Variants in CLASP2 observed in about 807,000 individuals in gnomAD.
CLASP2 encodes the protein cytoplasmic linker associated protein 2, also known as CLIP-associating protein 2.
Under a neutral mutation model 194.4 loss-of-function variants are expected in CLASP2, and 47 were observed. The observed-to-expected ratio is 0.24, with a 90% CI of 0.19 to 0.31. The LOEUF (loss-of-function observed/expected upper bound fraction) is 0.31. CLASP2 is among the 10% of genes least tolerant of loss of function. The pLI, the probability that CLASP2 is intolerant of heterozygous loss-of-function variation, is 1.00. For synonymous variants in CLASP2, 619 were observed against 633.5 expected, an observed-to-expected ratio of 0.98 and a Z score of 0.34; for missense variants, 1,445 against 1,823.6, an observed-to-expected ratio of 0.79 and a Z score of 3.78.
intron 2 of CLASP2, among the ~76,000 whole-genome samples, chr3:33,693,850 A>C (rs2091603857): frequency 6.6e-6 from 1 of 152,146 alleles, no homozygotes; most frequent in African/African-American, 2.4e-5. Flanking sequence ...TAGGAGATTA[A>C]AAGGAAAAAC....
chr3:33,647,654 A>C (rs2082492194), intron 7 of CLASP2, among the ~76,000 whole-genome samples: 1 of 152,186 alleles, frequency 6.6e-6, no homozygotes, highest in African/African-American at 2.4e-5. Context: ...TGCTTCAATA[A>C]AATTTTATAT....
intron 6 of CLASP2, among the ~76,000 whole-genome samples, chr3:33,674,795 C>A (rs374919548): frequency 5.9e-5 from 9 of 151,962 alleles, no homozygotes; most frequent in Non-Finnish European, 1.2e-4. Flanking sequence ...ACCATCAGAG[C>A]ATACTACAAA....
At chr3:33,689,962 T>C in intron 2 of CLASP2, 30 bp from the exon 3 acceptor site, 1 of 1,419,364 alleles carries the variant, frequency 7.0e-7, no homozygotes, top group Non-Finnish European at 9.5e-7. Flanking sequence ...AAAAGAGTAA[T>C]TACTTATAAC....
At chr3:33,643,073 G>A (rs2081607475) in intron 8 of CLASP2, among the ~76,000 whole-genome samples, 8 of 151,886 alleles carry the variant, frequency 5.3e-5, no homozygotes, top group Admixed American at 5.2e-4. Context: ...CTACAAGAAT[G>A]GGGGTGGAGG....
At chr3:33,563,721 T>C (rs2062173243) in intron 27 of CLASP2, among the ~76,000 whole-genome samples, 1 of 152,200 alleles carries the variant, frequency 6.6e-6, no homozygotes, top group African/African-American at 2.4e-5. Context: ...AGGCTGTAGT[T>C]TGTCAACTCA....
chr3:33,703,107 T>C (rs1017563276), intron 1 of CLASP2, among the ~76,000 whole-genome samples: 1 of 152,228 alleles, frequency 6.6e-6, no homozygotes, highest in East Asian at 1.9e-4. Context: ...ACTGTTAAGA[T>C]GGGCTTCACT....
intron 32 of CLASP2, 79 bp from the exon 33 acceptor site, chr3:33,539,021 AT>A: frequency 7.7e-6 from 8 of 1,034,030 alleles, no homozygotes; most frequent in Non-Finnish European, 9.4e-6. Flanking sequence ...ATATAAGGAT[AT>A]TTATAAAGAC....
At chr3:33,701,451 C>T (rs1305050026) in intron 1 of CLASP2, among the ~76,000 whole-genome samples, 1 of 152,188 alleles carries the variant, frequency 6.6e-6, no homozygotes, top group African/African-American at 2.4e-5. Flanking sequence ...TTAAAAGTAG[C>T]TGGCCATGGT....
intron 5 of CLASP2, among the ~76,000 whole-genome samples, chr3:33,685,389 T>C (rs1002518347): frequency 6.1e-4 from 91 of 148,084 alleles, no homozygotes; most frequent in Non-Finnish European, 1.1e-3. Context: ...AGTAAGATTA[T>C]GTAAACAACT....
At position 33,690,822 on chromosome 3, in the gene CLASP2, T is replaced by C. The variant is rs142151215; in HGVS notation, c.275-890A>G. On this transcript the variant is annotated intron_variant, in intron 2 of 38. Coordinates refer to ENST00000682230, the MANE Select transcript of CLASP2 (RefSeq NM_001365631.1). The stretch of plus-strand genomic sequence containing the variant: ...TGCTACCTGCCTATTAGTCCCTTAG[T>C]AGCTGTTTTGGTTATCAGATCAAAA... Among the ~76,000 whole-genome samples, 591 of 152,276 alleles carry C rather than the reference T, an allele frequency of 3.9e-3. 4 individuals are homozygous for C. The highest frequency in any genetic ancestry group is 0.013 in the African/African-American group (551 of 41,546).
chr3:33,533,480 A>T (rs1559896006), intron 34 of CLASP2, among the ~76,000 whole-genome samples: 1 of 152,236 alleles, frequency 6.6e-6, no homozygotes, highest in Non-Finnish European at 1.5e-5. Context: ...TAAAAATTTT[A>T]AAAATTTAAA....
intron 18 of CLASP2, among the ~76,000 whole-genome samples, chr3:33,597,555 AC>A (rs2070770582): frequency 1.3e-5 from 2 of 150,024 alleles, no homozygotes; most frequent in South Asian, 4.2e-4. Context: ...TATGGTGAAA[AC>A]CTCCTTTCTT....
Position 33,566,711 on chromosome 3 carries a change from A to G in CLASP2, c.2766+21T>C, listed in dbSNP as rs1385208859. 13 of 450,608 alleles carry G rather than the reference A, an allele frequency of 2.9e-5. No individual in the cohort carries two copies. The Admixed American group carries it at 3.1e-4, about 11-fold the overall frequency. 27.9% of individuals were successfully genotyped at this position (450,608 alleles called of 1,614,324 possible). ...GTCATGCAGTAAAGTTAGGTTTCCAACAAATATTGAACCAACTTACTCTCT... is the reference window on the plus strand; with the variant it reads ...GTCATGCAGTAAAGTTAGGTTTCCAGCAAATATTGAACCAACTTACTCTCT... On this transcript the variant is annotated intron_variant, in intron 27 of 38. Transcript: ENST00000682230.
rs554889956 is a variant in CLASP2, at chr3:33,672,577, G to A, written c.645-9062C>T. ...AGGAACGCAGTTCCTCACCAGCAAC[G>A]GAACAAAGCTGGATGGAGAATGACT... On this transcript the variant is annotated intron_variant, in intron 6 of 38. Coordinates refer to ENST00000682230, the MANE Select transcript of CLASP2 (RefSeq NM_001365631.1). Among the ~76,000 whole-genome samples, 15 of 152,286 alleles carry A rather than the reference G, an allele frequency of 9.8e-5. No individual in the cohort carries two copies. In the South Asian group the frequency reaches 1.0e-3, roughly 11 times the overall value.
chr3:33,631,605 G>C (rs1054776876), intron 9 of CLASP2, among the ~76,000 whole-genome samples: 1 of 151,556 alleles, frequency 6.6e-6, no homozygotes, highest in Non-Finnish European at 1.5e-5. Flanking sequence ...GCTGAGGCAG[G>C]AGAATCACTT....
chr3:33,559,028 G>A (rs1249311886), intron 29 of CLASP2: 8 of 484,092 alleles, frequency 1.7e-5, no homozygotes, highest in African/African-American at 9.8e-5. Context: ...GTGTGCATGC[G>A]TAAAAGGCTT....
chr3:33,547,696 A>C (rs931686401), intron 30 of CLASP2, among the ~76,000 whole-genome samples: 2 of 152,094 alleles, frequency 1.3e-5, no homozygotes, highest in African/African-American at 4.8e-5. Flanking sequence ...GTTTGGAAGA[A>C]TGTGTGAAGA....
Position 33,627,078 on chromosome 3 carries a change from A to C in CLASP2, c.945T>G (p.Ile315Met). The change falls in exon 10 of 39, where the codon ATT (isoleucine) becomes ATG (methionine). Residue 315 changes from isoleucine (I) to methionine (M), a missense_variant and splice_region_variant. Transcript: ENST00000682230. The stretch of plus-strand genomic sequence containing the variant: ...TTTCTTCGAGTTCTCGACTAGAATA[A>C]ATCTTAAAAAAAAGATTCAGAATTA... The part of the protein sequence containing the change: ...KAFTDVPSIQ[I>M]YSSRELEETL... 1.3e-6 allele frequency: 2 copies of C among 1,484,842 alleles called. No homozygotes were observed. The highest frequency in any genetic ancestry group is 1.8e-6 in the Non-Finnish European group (2 of 1,081,092). 92.0% of individuals were successfully genotyped at this position (1,484,842 alleles called of 1,614,324 possible).
intron 30 of CLASP2, 60 bp downstream of exon 30, chr3:33,551,192 A>C: frequency 7.0e-7 from 1 of 1,429,872 alleles, no homozygotes; most frequent in Non-Finnish European, 9.6e-7. Context: ...CTTCACTGGC[A>C]ATCCATAATA....
Sources: allele counts gnomAD v4.1 joint callset (sites outside exome capture counted in the v4.1 genomes callset), GRCh38; gene constraint gnomAD v4.1.1; transcripts MANE v1.5; gene names NCBI Gene and HGNC (gene_info 2026-07-23, HGNC 2026-07-21).